The following HDAC9 variants were observed in gnomAD, a reference collection of about 807,000 sequenced individuals.
HDAC9 encodes the protein MEF-2 interacting transcription repressor (MITR) protein.
HDAC9 carries 41 observed loss-of-function variants against 139.4 expected under a neutral mutation model. The observed-to-expected ratio is 0.29, with a 90% confidence interval of 0.23 to 0.38. The LOEUF (loss-of-function observed/expected upper bound fraction) is 0.38. Ranked by LOEUF, HDAC9 falls within the 10% of genes least tolerant of loss-of-function variation. HDAC9 has a pLI of 1.00. For synonymous variants in HDAC9, 517 were observed against 476.2 expected (o/e 1.09, Z -1.12); for missense variants, 1,147 against 1,297.0 (o/e 0.88, Z 1.78).
chr7:18,824,776 C>A (rs1795285897), intron 17 of HDAC9, among the ~76,000 whole-genome samples: 1 of 152,178 alleles, frequency 6.6e-6, no homozygotes, highest in South Asian at 2.1e-4. Context: ...TGAGCACTCA[C>A]AAAGTGAGCT....
chr7:18,305,921 G>A lies in HDAC9; in HGVS notation c.-42+15406G>A, dbSNP rs149934480. ...AACTGGAACGAGGAAGGTAACCTGAGCCAAGATGAGTGAGCTAGAACACCA... is the reference window on the plus strand; with the variant it reads ...AACTGGAACGAGGAAGGTAACCTGAACCAAGATGAGTGAGCTAGAACACCA... On this transcript the variant is annotated intron_variant, in intron 1 of 3. Coordinates refer to the HDAC9 transcript ENST00000413509. 2.9e-4 allele frequency among the ~76,000 whole-genome samples: 44 copies of A among 152,194 alleles called. No individual in the cohort carries two copies. In the East Asian group the frequency reaches 7.7e-3, roughly 27 times the overall value.
intron 22 of HDAC9, among the ~76,000 whole-genome samples, chr7:18,884,659 C>A (rs1799990404): frequency 6.6e-6 from 1 of 152,170 alleles, no homozygotes; most frequent in South Asian, 2.1e-4. Context: ...AAGTGAACAT[C>A]CTTTTACAAG....
At chr7:18,091,247 G>A (rs1027651381) in intron 1 of HDAC9, among the ~76,000 whole-genome samples, 10 of 152,154 alleles carry the variant, frequency 6.6e-5, no homozygotes, top group African/African-American at 2.4e-4. Flanking sequence ...TGTTTACTAT[G>A]GTGAATTTTG....
intron 1 of HDAC9, among the ~76,000 whole-genome samples, chr7:18,137,832 G>GA (rs1491196979): frequency 1.3e-5 from 2 of 151,320 alleles, no homozygotes; most frequent in East Asian, 4.5e-4. Flanking sequence ...AATGAGTTAG[G>GA]AAGGATTCCC....
At chr7:18,389,375 C>T (rs1786249259) in intron 1 of HDAC9, among the ~76,000 whole-genome samples, 1 of 152,186 alleles carries the variant, frequency 6.6e-6, no homozygotes, top group Non-Finnish European at 1.5e-5. Flanking sequence ...AGCAGCTCTC[C>T]TGTATTCTTC....
intron 13 of HDAC9, among the ~76,000 whole-genome samples, chr7:18,738,571 A>G (rs1787143835): frequency 6.6e-6 from 1 of 152,134 alleles, no homozygotes; most frequent in Admixed American, 6.5e-5. Flanking sequence ...TTTCTTTGAG[A>G]ATGTTGAATA....
At chr7:18,494,522 GA>G (rs1408997788), upstream of HDAC9, among the ~76,000 whole-genome samples, 1 of 152,032 alleles carries the variant, frequency 6.6e-6, no homozygotes, top group African/African-American at 2.4e-5. Flanking sequence ...ATGACTAGTA[GA>G]TTATCACTTT....
chr7:18,454,233 A>C (rs945017887), intron 1 of HDAC9, among the ~76,000 whole-genome samples: 49 of 152,218 alleles, frequency 3.2e-4, no homozygotes, highest in African/African-American at 1.1e-3. Flanking sequence ...GGGCTCAAAA[A>C]ATTGAAGTTC....
At chr7:18,811,221 A>C (rs1585079613) in intron 17 of HDAC9, among the ~76,000 whole-genome samples, 2 of 151,252 alleles carry the variant, frequency 1.3e-5, no homozygotes, top group South Asian at 4.2e-4. Context: ...AATATTCGTT[A>C]CTTTTTTTCT....
At chr7:18,604,785 A>G in intron 6 of HDAC9, among the ~76,000 whole-genome samples, 1 of 151,962 alleles carries the variant, frequency 6.6e-6, no homozygotes, top group African/African-American at 2.4e-5. Context: ...TTCTCTGTTT[A>G]TATTATCCAT....
At chr7:18,180,557 G>T (rs1445758920) in intron 2 of HDAC9, among the ~76,000 whole-genome samples, 1 of 152,098 alleles carries the variant, frequency 6.6e-6, no homozygotes. Flanking sequence ...TCAATGGGCT[G>T]TATAACATGT....
chr7:18,541,272 G>GCTAATATGCATCCACTCTGT, intron 2 of HDAC9, among the ~76,000 whole-genome samples: 1 of 149,688 alleles, frequency 6.7e-6, no homozygotes, highest in Admixed American at 6.7e-5. Context: ...ATGCATGGAT[G>GCTAATATGCATCCACTCTGT]GGTGCCTTTT....
chr7:18,432,168 C>T (rs1790737971), intron 1 of HDAC9, among the ~76,000 whole-genome samples: 2 of 152,210 alleles, frequency 1.3e-5, no homozygotes, highest in African/African-American at 4.8e-5. Context: ...CTCCATCCAC[C>T]TATCCATCTA....
intron 21 of HDAC9, among the ~76,000 whole-genome samples, chr7:18,864,903 A>G (rs1486869161): frequency 2.6e-5 from 4 of 152,178 alleles, no homozygotes; most frequent in African/African-American, 9.7e-5. Flanking sequence ...AAAATGGTTA[A>G]AGTAGTACAT....
intron 11 of HDAC9, among the ~76,000 whole-genome samples, chr7:18,657,407 A>G (rs974655083): frequency 2.0e-5 from 3 of 152,136 alleles, no homozygotes; most frequent in African/African-American, 7.2e-5. Flanking sequence ...TTCCCAAATC[A>G]TCAATGATTA....
chr7:18,571,071 G>C (rs948203886), intron 2 of HDAC9, among the ~76,000 whole-genome samples: 1 of 152,226 alleles, frequency 6.6e-6, no homozygotes, highest in Admixed American at 6.5e-5. Context: ...AGCAAAAGTG[G>C]TGCCACCATG....
At chr7:18,245,097 G>A (rs945142134) in intron 2 of HDAC9, among the ~76,000 whole-genome samples, 1 of 151,904 alleles carries the variant, frequency 6.6e-6, no homozygotes, top group African/African-American at 2.4e-5. Flanking sequence ...TCATACTGAT[G>A]TGACTTCTCC....
At chr7:18,698,013 CAGG>C (rs1457989795) in intron 12 of HDAC9, among the ~76,000 whole-genome samples, 1 of 151,860 alleles carries the variant, frequency 6.6e-6, no homozygotes, top group Non-Finnish European at 1.5e-5. Context: ...TTAGACTCAC[CAGG>C]AGAAGACGCA....
At chr7:18,694,544 G>A (rs921980562) in intron 12 of HDAC9, among the ~76,000 whole-genome samples, 1 of 152,114 alleles carries the variant, frequency 6.6e-6, no homozygotes, top group Non-Finnish European at 1.5e-5. Context: ...ACTGACGCAG[G>A]GCACCCCAAT....
Sources: gnomAD v4.1 joint callset for allele counts (sites outside exome capture counted in the v4.1 genomes callset) on GRCh38, gnomAD v4.1.1 for gene constraint, MANE v1.5 for transcripts, NCBI Gene and HGNC (gene_info 2026-07-23, HGNC 2026-07-21) for gene names.